The following CCDC85C variants were observed in gnomAD, a reference collection of about 807,000 sequenced individuals.
CCDC85C encodes coiled-coil domain-containing protein 85C.
Under a neutral mutation model 38.3 loss-of-function variants are expected in CCDC85C, and 18 were observed. That is an observed-to-expected ratio of 0.47 (90% CI 0.33 to 0.70). CCDC85C has a LOEUF of 0.70. Ranked by LOEUF, CCDC85C falls within the 30% of genes least tolerant of loss-of-function variation. The pLI is 0.03. For synonymous variants in CCDC85C, 264 were observed against 293.8 expected, an observed-to-expected ratio of 0.90 and a Z score of 1.04; for missense variants, 566 against 621.2, an observed-to-expected ratio of 0.91 and a Z score of 0.94.
intron 1 of CCDC85C, among the ~76,000 whole-genome samples, chr14:99,539,685 C>T (rs1050519743): frequency 2.0e-5 from 3 of 152,104 alleles, no homozygotes; most frequent in Non-Finnish European, 2.9e-5. Flanking sequence ...ATGGCTGCGA[C>T]GTTTAAAAAT....
chr14:99,517,793 C>T (rs1436039828), intron 3 of CCDC85C, among the ~76,000 whole-genome samples: 1 of 152,184 alleles, frequency 6.6e-6, no homozygotes, highest in African/African-American at 2.4e-5. Context: ...GGCAGGCAGT[C>T]CCACCCCCAG....
chr14:99,574,995 C>T lies in CCDC85C; in HGVS notation c.793+28172G>A, dbSNP rs564323478. ...ACTGGTCAAGGTCACAGGGCAAATG[C>T]CTTCAAGGAGGGGCAGAAAGACTTC... On this transcript the variant is annotated intron_variant, in intron 1 of 5. Transcript: ENST00000380243. 8.5e-5 allele frequency among the ~76,000 whole-genome samples: 13 copies of T among 152,330 alleles called. No homozygotes were observed. The East Asian group carries it at 1.5e-3, about 18-fold the overall frequency.
In CCDC85C at chr14:99,502,208, C is replaced by A; in HGVS notation, c.*13038G>T. On this transcript the variant is annotated 3_prime_UTR_variant, in exon 6 of 6. Transcript: ENST00000380243. The stretch of plus-strand genomic sequence containing the variant: ...CCTTTTTTTTTCTTGTTGAACTAGT[C>A]TCTGCACCACCTTGTCACTGCAGTG... 6.3e-7 allele frequency: 1 copy of A among 1,581,852 alleles called. No individual in the cohort carries two copies. The highest frequency in any genetic ancestry group is 8.6e-7 in the Non-Finnish European group (1 of 1,163,432).
chr14:99,504,064 C>A lies in CCDC85C; in HGVS notation c.*11182G>T. On this transcript the variant is annotated 3_prime_UTR_variant, in exon 6 of 6. Transcript: ENST00000380243. The stretch of plus-strand genomic sequence containing the variant: ...ACAGCACCAGCCCGGCCCAGCCCAG[C>A]TGCCCTTGCAGGCAAGGCCTCTTTG... 1 of 384,240 alleles carries A rather than the reference C, an allele frequency of 2.6e-6. No individual in the cohort carries two copies. 23.8% of individuals were successfully genotyped at this position (384,240 alleles called of 1,614,324 possible). A position where few individuals can be genotyped will look rare whatever the true frequency, so the allele number is the denominator to read the frequency against.
rs776784723 is a variant in CCDC85C at position 99,568,246 on chromosome 14, C to CTTTTTTTTTTTTTTTTTTTTTTTTT, written c.794-32159_794-32158insAAAAAAAAAAAAAAAAAAAAAAAAA. On this transcript the variant is annotated intron_variant, in intron 1 of 5. Transcript: ENST00000380243. Reference sequence around the variant, plus strand: ...AGACACTCTCTGGAGGCCACCTGCCCTTTATTTTTTTTTTTTTTTTTTTTG... The same window carrying CTTTTTTTTTTTTTTTTTTTTTTTTT: ...AGACACTCTCTGGAGGCCACCTGCCCTTTTTTTTTTTTTTTTTTTTTTTTTTTTATTTTTTTTTTTTTTTTTTTTG... Among the ~76,000 whole-genome samples the CTTTTTTTTTTTTTTTTTTTTTTTTT allele has an allele frequency of 2.6e-5, 3 of 114,488 alleles. 1 individual carries two copies. 75.1% of individuals were successfully genotyped at this position (114,488 alleles called of 152,430 possible).
In CCDC85C at chr14:99,603,949, G is replaced by C. The variant is rs990570967; in HGVS notation, c.11C>G (p.Pro4Arg). Residue 4 changes from proline (P) to arginine (R), a missense_variant, in exon 1 of 6, where the codon CCC (proline) becomes CGC (arginine). By Grantham distance (103) the Pro-to-Arg change is moderately radical. This residue lies in a region of CCDC85C where 269 missense variants were observed against 308.2 expected (regional missense o/e 0.87). Transcript: ENST00000380243. This position sits in a 1 kb window ranked among gnomAD's most constrained non-coding sequence, Gnocchi z 7.5. MAK[P>R]AATAAAASEE... ...CGACGCCGCCGCCGCCGTCGCCGCGGGCTTAGCCATGGCGGGGCCGTCACC... is the reference window on the plus strand; with the variant it reads ...CGACGCCGCCGCCGCCGTCGCCGCGCGCTTAGCCATGGCGGGGCCGTCACC... 5.1e-6 allele frequency: 7 copies of C among 1,384,194 alleles called. No homozygotes were observed. In the African/African-American group the frequency reaches 1.1e-4, roughly 21 times the overall value. 85.7% of individuals were successfully genotyped at this position (1,384,194 alleles called of 1,614,324 possible). A position where few individuals can be genotyped will look rare whatever the true frequency, so the allele number is the denominator to read the frequency against.
At position 99,501,048 on chromosome 14, in the gene CCDC85C, T is replaced by G. The variant is rs1171996553; in HGVS notation, c.*14198A>C. ...GCTGCTAATGCTGTTTCCTTTTATG[T>G]ATAAACAGGCTCTGTCATCCAGTTG... On this transcript the variant is annotated 3_prime_UTR_variant, in exon 6 of 6. Transcript: ENST00000380243. 1 of 610,062 alleles carries G rather than the reference T, an allele frequency of 1.6e-6. No homozygotes were observed. The highest frequency in any genetic ancestry group is 2.9e-6 in the Non-Finnish European group (1 of 346,560). 37.8% of individuals were successfully genotyped at this position (610,062 alleles called of 1,614,324 possible).
At chr14:99,518,806 C>T (rs893910493) in intron 3 of CCDC85C, among the ~76,000 whole-genome samples, 4 of 152,192 alleles carry the variant, frequency 2.6e-5, no homozygotes, top group Admixed American at 6.5e-5. Context: ...AAGCCAGGAG[C>T]GTGGGGGTGG....
At chr14:99,517,030 A>C (rs899274381) in intron 4 of CCDC85C, 58 bp downstream of exon 4, 155 of 1,464,932 alleles carry the variant, frequency 1.1e-4, no homozygotes, top group Middle Eastern at 6.9e-4. Context: ...AAGGTCCCAC[A>C]GTCTCACAGT....
Position 99,522,399 on chromosome 14 carries a change from G to A in CCDC85C, c.868-159C>T, listed in dbSNP as rs866383262. 75 of 559,266 alleles carry A rather than the reference G, an allele frequency of 1.3e-4. No individual in the cohort carries two copies. In the Middle Eastern group the frequency reaches 1.4e-3, roughly 11 times the overall value. 34.6% of individuals were successfully genotyped at this position (559,266 alleles called of 1,614,324 possible). A position where few individuals can be genotyped will look rare whatever the true frequency, so the allele number is the denominator to read the frequency against. On this transcript the variant is annotated intron_variant, in intron 2 of 5. Coordinates refer to ENST00000380243, the MANE Select transcript of CCDC85C (RefSeq NM_001144995.2). Reference sequence around the variant, plus strand: ...ACACCGCTTATCCATCCCCCGAGCCGGGATCAATCGATCTTCACTCTCCCC... The same window carrying A: ...ACACCGCTTATCCATCCCCCGAGCCAGGATCAATCGATCTTCACTCTCCCC...
rs764195572 is a variant in CCDC85C at position 99,509,941 on chromosome 14, A to C, written c.*5305T>G. The C allele has an allele frequency of 2.3e-5, 14 of 596,756 alleles. No individual in the cohort carries two copies. Among genetic ancestry groups the C allele is most frequent in the African/African-American group, 5.6e-5 (3 of 53,546 alleles). 37.0% of individuals were successfully genotyped at this position (596,756 alleles called of 1,614,324 possible). A position where few individuals can be genotyped will look rare whatever the true frequency, so the allele number is the denominator to read the frequency against. ...TCAGGGCTGAGGGAGGGAAAACCCC[A>C]GGTCGTCGCAGACAGGGTGGAGGGC... On this transcript the variant is annotated 3_prime_UTR_variant, in exon 6 of 6. Transcript: ENST00000380243.
At chr14:99,575,312 T>C (rs1898450534) in intron 1 of CCDC85C, among the ~76,000 whole-genome samples, 1 of 152,192 alleles carries the variant, frequency 6.6e-6, no homozygotes, top group Non-Finnish European at 1.5e-5. Flanking sequence ...CCATGACTCA[T>C]GAGCGTGGCT....
chr14:99,569,762 C>T lies in CCDC85C; in HGVS notation c.793+33405G>A, dbSNP rs986208276. Among the ~76,000 whole-genome samples, 3 of 152,144 alleles carry T rather than the reference C, an allele frequency of 2.0e-5. No individual in the cohort carries two copies. The highest frequency in any genetic ancestry group is 3.9e-4 in the East Asian group (2 of 5,184). On this transcript the variant is annotated intron_variant, in intron 1 of 5. Coordinates refer to ENST00000380243, the MANE Select transcript of CCDC85C (RefSeq NM_001144995.2). The surrounding 1 kb of genome is among the most constrained non-coding windows in gnomAD (Gnocchi z 4.3). ...ACATTTCAGGTGCAATGCTCCAAGG[C>T]GACGCAGGGAGGGATCTAGACCCAG...
In CCDC85C at chr14:99,535,981, GT is replaced by G; in HGVS notation, c.867+33del. ...CTGGAGGGGTGGGTGCTGGGTCGCG[GT>G]CCTCAAGGCAGCGCCACCCGAAGCC... is the stretch of plus-strand genomic sequence containing the variant. On this transcript the variant is annotated intron_variant, in intron 2 of 5. Transcript: ENST00000380243. The surrounding 1 kb of genome is among the most constrained non-coding windows in gnomAD (Gnocchi z 5.5). The G allele has an allele frequency of 6.6e-7, 1 of 1,522,494 alleles. No individual in the cohort carries two copies. Among genetic ancestry groups the G allele is most frequent in the Non-Finnish European group, 8.9e-7 (1 of 1,121,700 alleles). 94.3% of individuals were successfully genotyped at this position (1,522,494 alleles called of 1,614,324 possible).
chr14:99,590,613 A>G (rs76218989), intron 1 of CCDC85C, among the ~76,000 whole-genome samples: 1,991 of 152,248 alleles, frequency 0.013, 38 homozygotes, highest in Non-Finnish European at 0.016. Context: ...TGGCTTAAAA[A>G]AAGAAAAAAA....
Position 99,603,986 on chromosome 14 carries a change from C to G in CCDC85C, c.-27G>C, listed in dbSNP as rs2055243747. ...GCGGGGCCGTCACCGCGGCATCGCCCTCGCCCTCGCCCGGCCGGCGCTTCC... is the reference window on the plus strand; with the variant it reads ...GCGGGGCCGTCACCGCGGCATCGCCGTCGCCCTCGCCCGGCCGGCGCTTCC... On this transcript the variant is annotated 5_prime_UTR_variant, in exon 1 of 6. Coordinates refer to ENST00000380243, the MANE Select transcript of CCDC85C (RefSeq NM_001144995.2). This position sits in a 1 kb window ranked among gnomAD's most constrained non-coding sequence, Gnocchi z 7.5. 8.1e-7 allele frequency: 1 copy of G among 1,228,888 alleles called. No homozygotes were observed. The highest frequency in any genetic ancestry group is 1.6e-5 in the African/African-American group (1 of 63,216). 76.1% of individuals were successfully genotyped at this position (1,228,888 alleles called of 1,614,324 possible).
chr14:99,593,132 C>T (rs771030861), intron 1 of CCDC85C, among the ~76,000 whole-genome samples: 1 of 152,220 alleles, frequency 6.6e-6, no homozygotes, highest in South Asian at 2.1e-4. Flanking sequence ...GTGCCGTGCG[C>T]GGTGACAGGC....
intron 1 of CCDC85C, among the ~76,000 whole-genome samples, chr14:99,573,150 C>T (rs866221265): frequency 1.3e-5 from 2 of 152,226 alleles, no homozygotes; most frequent in South Asian, 2.1e-4. Flanking sequence ...TCATTTCCCC[C>T]GGTGCCTCGG....
At position 99,508,010 on chromosome 14, in the gene CCDC85C, T is replaced by C. The variant is rs977019663; in HGVS notation, c.*7236A>G. The C allele has an allele frequency of 6.6e-6, 1 of 152,226 alleles. No homozygotes were observed. The highest frequency in any genetic ancestry group is 2.4e-5 in the African/African-American group (1 of 41,432). 9.4% of individuals were successfully genotyped at this position (152,226 alleles called of 1,614,324 possible). The stretch of plus-strand genomic sequence containing the variant: ...TGCTTGCTCTCCAAAAGGTGGTCGA[T>C]ACTCCGGAGGCTTCCAAGCCTCTGT... On this transcript the variant is annotated 3_prime_UTR_variant, in exon 6 of 6. Transcript: ENST00000380243.
Sources: allele counts gnomAD v4.1 joint callset (sites outside exome capture counted in the v4.1 genomes callset), GRCh38; gene constraint gnomAD v4.1.1; regional missense constraint gnomAD v4.1.1; non-coding constraint Gnocchi (gnomAD v3.1); transcripts MANE v1.5; gene names NCBI Gene and HGNC (gene_info 2026-07-23, HGNC 2026-07-21).